TNS1: variants seen among roughly 807,000 people sequenced by gnomAD.
The protein encoded by TNS1 is tensin-1.
A neutral mutation model predicts 168.6 loss-of-function variants in TNS1; 62 were observed. That is an observed-to-expected ratio of 0.37 (90% CI 0.30 to 0.45). The LOEUF (loss-of-function observed/expected upper bound fraction) is 0.45. Ranked by LOEUF, TNS1 falls within the 20% of genes least tolerant of loss-of-function variation. The pLI is 1.00. For missense variants in TNS1, 2,240 were observed against 2,339.4 expected, an observed-to-expected ratio of 0.96 and a Z score of 0.88; for synonymous variants, 934 against 933.2, an observed-to-expected ratio of 1.00 and a Z score of -0.02.
chr2:218,030,704 T>C (rs1440287407), intron 1 of TNS1, among the ~76,000 whole-genome samples: 1 of 152,252 alleles, frequency 6.6e-6, no homozygotes, highest in Non-Finnish European at 1.5e-5. Flanking sequence ...AACTCACTTC[T>C]AGTGTGACCT....
At chr2:217,811,682 G>A (rs528807695) in intron 28 of TNS1, among the ~76,000 whole-genome samples, 24 of 152,304 alleles carry the variant, frequency 1.6e-4, no homozygotes, top group African/African-American at 5.3e-4. Flanking sequence ...AGAGGCCTAT[G>A]CTGGGAGGAG....
At position 217,958,003 on chromosome 2, in the gene TNS1, T is replaced by TCACACACA. The variant is rs57381974; in HGVS notation, c.186+20754_186+20761dup. Among the ~76,000 whole-genome samples the TCACACACA allele has an allele frequency of 2.6e-3, 376 of 145,828 alleles. 4 individuals carry two copies. The highest frequency in any genetic ancestry group is 5.9e-3 in the African/African-American group (227 of 38,618). ...TTTTAAATCTCCCATAATAAAGAATTCACACACACACACACACACACACAC... is the reference window on the plus strand; with the variant it reads ...TTTTAAATCTCCCATAATAAAGAATTCACACACACACACACACACACACACACACACAC... On this transcript the variant is annotated intron_variant, in intron 3 of 32. Transcript: ENST00000682258.
At position 217,848,681 on chromosome 2, in the gene TNS1, G is replaced by T. The variant is rs1178299616; in HGVS notation, c.1836C>A (p.Val612=). The part of the protein sequence containing the change: ...GRHVVPAQVH[V]NGGALASERE... ...GCTCAGATGCTAACGCCCCACCATT[G>T]ACATGAACCTGGGCTGGGACAACGT... Residue 612 remains valine, a synonymous_variant, in exon 19 of 33, where the codon GTC becomes GTA. Transcript: ENST00000682258. The T allele has an allele frequency of 6.2e-7, 1 of 1,614,228 alleles. No homozygotes were observed. The highest frequency in any genetic ancestry group is 1.1e-5 in the South Asian group (1 of 91,090).
chr2:217,848,825 C>T lies in TNS1; in HGVS notation c.1692G>A (p.Glu564=). The T allele has an allele frequency of 6.2e-7, 1 of 1,614,092 alleles. No individual in the cohort carries two copies. The highest frequency in any genetic ancestry group is 8.5e-7 in the Non-Finnish European group (1 of 1,180,028). Residue 564 remains glutamate, a synonymous_variant, in exon 19 of 33, where the codon GAG becomes GAA. Coordinates refer to ENST00000682258, the MANE Select transcript of TNS1 (RefSeq NM_001387777.1). ...CAAAGCCACTCAGCAGGCGGTCCAG[C>T]TCCCGCTTCTCCTGGGGACTCAAGG... ...TAALSPQEKR[E]LDRLLSGFGL...
rs181963435 is a variant in TNS1 at position 217,877,672 on chromosome 2, G to A, written c.1429+3226C>T. On this transcript the variant is annotated intron_variant, in intron 18 of 32. Coordinates refer to ENST00000682258, the MANE Select transcript of TNS1 (RefSeq NM_001387777.1). ...AGCTGTAAACTTGAACTTGGAGCTG[G>A]GTTGGGGGGCTGCAGGCAGTGAGGA... Among the ~76,000 whole-genome samples, 71 of 152,360 alleles carry A rather than the reference G, an allele frequency of 4.7e-4. 2 individuals are homozygous for A. The Middle Eastern group carries it at 0.017, about 36-fold the overall frequency.
chr2:218,015,972 T>C lies in TNS1; in HGVS notation c.156+17848A>G, dbSNP rs188410093. 4.6e-3 allele frequency among the ~76,000 whole-genome samples: 701 copies of C among 151,998 alleles called. 9 individuals carry two copies. Among genetic ancestry groups the C allele is most frequent in the African/African-American group, 0.016 (682 of 41,416 alleles). ...CCCACAATGAGATTAAAGCAGGGAC[T>C]GTCTAATTGATTCTGATGGAACTAG... On this transcript the variant is annotated intron_variant, in intron 1 of 1. Transcript: ENST00000649572.
intron 16 of TNS1, among the ~76,000 whole-genome samples, chr2:217,884,577 G>C (rs1445815594): frequency 6.6e-6 from 1 of 152,104 alleles, no homozygotes; most frequent in African/African-American, 2.4e-5. Context: ...ATTATCCCCT[G>C]CTAGTCTGCC....
In TNS1 at chr2:217,880,986, G is replaced by A. The variant is rs374249469; in HGVS notation, c.1341C>T (p.Ser447=). Residue 447 remains serine, a synonymous_variant, in exon 18 of 33, where the codon AGC becomes AGT. Coordinates refer to ENST00000682258, the MANE Select transcript of TNS1 (RefSeq NM_001387777.1). This position sits in a 1 kb window ranked among gnomAD's most constrained non-coding sequence, Gnocchi z 4.2. Reference sequence around the variant, plus strand: ...CGGAGGTGTTATAGTCCACAGACACGCTCGGCCCGTTCTCCAGGTGCTCCA... The same window carrying A: ...CGGAGGTGTTATAGTCCACAGACACACTCGGCCCGTTCTCCAGGTGCTCCA... ...QGMEHLENGP[S]VSVDYNTSDP... The A allele has an allele frequency of 1.5e-5, 24 of 1,613,936 alleles. No individual in the cohort carries two copies. Among genetic ancestry groups the A allele is most frequent in the East Asian group, 1.3e-4 (6 of 44,866 alleles).
chr2:217,859,631 G>A (rs1411602964), intron 18 of TNS1: 1 of 1,535,970 alleles, frequency 6.5e-7, no homozygotes, highest in African/African-American at 1.4e-5. Flanking sequence ...TGTCTGGCCA[G>A]GTATATTGAT....
chr2:218,007,934 C>T (rs947545174), upstream of TNS1, among the ~76,000 whole-genome samples: 30 of 152,192 alleles, frequency 2.0e-4, no homozygotes, highest in African/African-American at 6.8e-4. Context: ...CACCAAGGCA[C>T]GACATGGTCT....
At chr2:217,884,569 T>A (rs2125668977) in intron 16 of TNS1, among the ~76,000 whole-genome samples, 1 of 152,178 alleles carries the variant, frequency 6.6e-6, no homozygotes, top group Non-Finnish European at 1.5e-5. Context: ...GCAGGGTAAT[T>A]ATCCCCTGCT....
chr2:217,941,335 G>A (rs556289080), intron 3 of TNS1, among the ~76,000 whole-genome samples: 1 of 152,344 alleles, frequency 6.6e-6, no homozygotes, highest in East Asian at 1.9e-4. Flanking sequence ...GGTGCTTGCT[G>A]TCCCCTCAAC....
chr2:217,974,825 G>A (rs1349205072), intron 3 of TNS1, among the ~76,000 whole-genome samples: 3 of 152,010 alleles, frequency 2.0e-5, no homozygotes, highest in Admixed American at 1.3e-4. Flanking sequence ...ACACACCCAC[G>A]GCCTCCTAGC....
At chr2:217,959,146 G>GGCT (rs1199760456) in intron 3 of TNS1, among the ~76,000 whole-genome samples, 1 of 152,202 alleles carries the variant, frequency 6.6e-6, no homozygotes, top group African/African-American at 2.4e-5. Context: ...TGTAATGTAA[G>GGCT]GCATGCAGCT....
At chr2:217,877,962 C>T (rs1950335443) in intron 18 of TNS1, among the ~76,000 whole-genome samples, 1 of 152,212 alleles carries the variant, frequency 6.6e-6, no homozygotes, top group Admixed American at 6.5e-5. Context: ...TATCACCCTC[C>T]CGCAGTGGGC....
At position 217,818,164 on chromosome 2, in the gene TNS1, C is replaced by CGGA; in HGVS notation, c.4165_4167dup (p.Ser1389dup). On this transcript the variant is annotated inframe_insertion, in exon 24 of 33. Transcript: ENST00000682258. ...CTGGCTATTGCATTGCTATGAAGAC[C>CGGA]GGAGGCCAGGTTGCCTTGGTGAGCC... 1 of 1,613,898 alleles carries CGGA rather than the reference C, an allele frequency of 6.2e-7. No homozygotes were observed. Among genetic ancestry groups the CGGA allele is most frequent in the Non-Finnish European group, 8.5e-7 (1 of 1,179,946 alleles).
chr2:217,976,036 C>T (rs1957886451), intron 3 of TNS1, among the ~76,000 whole-genome samples: 1 of 152,170 alleles, frequency 6.6e-6, no homozygotes, highest in Non-Finnish European at 1.5e-5. Context: ...GCCTTTGCAC[C>T]TGCTCTTTCT....
rs113390811 is a variant in TNS1 at position 217,988,706 on chromosome 2, C to T, written c.148+2236G>A. On this transcript the variant is annotated intron_variant, in intron 2 of 32. Transcript: ENST00000682258. ...AGACCTCTTGGGAGGAGGGTGACACCGCGTGGCTGATTTTGGTATTGCAAA... is the reference window on the plus strand; with the variant it reads ...AGACCTCTTGGGAGGAGGGTGACACTGCGTGGCTGATTTTGGTATTGCAAA... Among the ~76,000 whole-genome samples, 527 of 152,290 alleles carry T rather than the reference C, an allele frequency of 3.5e-3. 4 individuals are homozygous for T. Among genetic ancestry groups the T allele is most frequent in the African/African-American group, 0.011 (474 of 41,562 alleles).
intron 2 of TNS1, among the ~76,000 whole-genome samples, chr2:217,980,506 CAGAGAGAGAGAGAG>C (rs3842558): frequency 2.8e-4 from 33 of 117,588 alleles, no homozygotes; most frequent in East Asian, 6.3e-4. Flanking sequence ...TACACACACA[CAGAGAGAGAGAGAG>C]AGAGAGAGAG....
Sources: gnomAD v4.1 joint callset for allele counts (sites outside exome capture counted in the v4.1 genomes callset) on GRCh38, gnomAD v4.1.1 for gene constraint, Gnocchi (gnomAD v3.1) non-coding constraint, MANE v1.5 for transcripts, NCBI Gene and HGNC (gene_info 2026-07-23, HGNC 2026-07-21) for gene names.